Variants in SRPK2 observed in about 807,000 individuals in gnomAD.
The protein encoded by SRPK2 is SFRS protein kinase 2.
SRPK2 carries 21 observed loss-of-function variants against 90.8 expected under a neutral mutation model. That is an observed-to-expected ratio of 0.23 (90% CI 0.16 to 0.33). The LOEUF (loss-of-function observed/expected upper bound fraction) is 0.33. Ranked by LOEUF, SRPK2 falls within the 10% of genes least tolerant of loss-of-function variation. The pLI is 1.00. For synonymous variants in SRPK2, 288 were observed against 311.1 expected, an observed-to-expected ratio of 0.93 and a Z score of 0.78; for missense variants, 620 against 869.0, an observed-to-expected ratio of 0.71 and a Z score of 3.60.
intron 2 of SRPK2, among the ~76,000 whole-genome samples, chr7:105,234,230 G>A (rs1333701499): frequency 1.3e-5 from 2 of 152,162 alleles, no homozygotes; most frequent in Non-Finnish European, 2.9e-5. Flanking sequence ...GTTGCCACTG[G>A]AAAATGCGGT....
Position 105,378,029 on chromosome 7 carries a change from C to G in SRPK2, c.71+10619G>C, listed in dbSNP as rs570008041. ...CTGAGTGTGTACCCCTTAACAGCTC[C>G]CCAGTCCTTCGTTTGACTTCCTCAG... On this transcript the variant is annotated intron_variant, in intron 2 of 15. Transcript: ENST00000393651. Among the ~76,000 whole-genome samples the G allele has an allele frequency of 2.0e-5, 3 of 152,172 alleles. No individual in the cohort carries two copies. The South Asian group carries it at 6.2e-4, about 32-fold the overall frequency.
At position 105,359,934 on chromosome 7, in the gene SRPK2, G is replaced by A. The variant is rs560089452; in HGVS notation, c.71+28714C>T. 5.3e-5 allele frequency among the ~76,000 whole-genome samples: 8 copies of A among 152,260 alleles called. No homozygotes were observed. In the East Asian group the frequency reaches 9.6e-4, roughly 18 times the overall value. ...CTGAGTTCAAGTCCTGGATATCCTC[G>A]TTAACCTTCTGTCTCGTTGATCTGT... On this transcript the variant is annotated intron_variant, in intron 2 of 15. Coordinates refer to ENST00000393651, the MANE Select transcript of SRPK2 (RefSeq NM_182692.3).
At chr7:105,397,102 C>A (rs1355386764) in intron 1 of SRPK2, among the ~76,000 whole-genome samples, 1 of 152,066 alleles carries the variant, frequency 6.6e-6, no homozygotes, top group Non-Finnish European at 1.5e-5. Flanking sequence ...ACTACAACTT[C>A]CGCCTCATGG....
chr7:105,194,472 T>C (rs1036630148), intron 3 of SRPK2, among the ~76,000 whole-genome samples: 2 of 152,212 alleles, frequency 1.3e-5, no homozygotes, highest in African/African-American at 4.8e-5. Context: ...AATTTACACA[T>C]GCACAAACAC....
chr7:105,369,125 TTTATTATTA>T lies in SRPK2; in HGVS notation c.71+19514_71+19522del, dbSNP rs10593124. Among the ~76,000 whole-genome samples the T allele has an allele frequency of 3.9e-3, 555 of 143,314 alleles. 2 individuals are homozygous for T. Among genetic ancestry groups the T allele is most frequent in the South Asian group, 0.015 (65 of 4,478 alleles). 94.0% of individuals were successfully genotyped at this position (143,314 alleles called of 152,430 possible). On this transcript the variant is annotated intron_variant, in intron 2 of 15. Coordinates refer to ENST00000393651, the MANE Select transcript of SRPK2 (RefSeq NM_182692.3). Reference sequence around the variant, plus strand: ...TAATAGAGTTCTACACAAGATTTATTTTATTATTATTATTATTATTATTATTATTATTAT... The same window carrying T: ...TAATAGAGTTCTACACAAGATTTATTTTATTATTATTATTATTATTATTAT...
chr7:105,298,718 C>T, intron 2 of SRPK2: 1 of 985,466 alleles, frequency 1.0e-6, no homozygotes, highest in Non-Finnish European at 1.2e-6. Context: ...ATCCCCATCC[C>T]TCCTCAGCTG....
chr7:105,194,614 C>T (rs1016164383), intron 3 of SRPK2, among the ~76,000 whole-genome samples: 11 of 152,128 alleles, frequency 7.2e-5, no homozygotes, highest in African/African-American at 2.4e-4. Context: ...CCTAAATAAA[C>T]AGACACAATA....
At chr7:105,364,702 G>A (rs147400132) in intron 2 of SRPK2, among the ~76,000 whole-genome samples, 6 of 151,872 alleles carry the variant, frequency 4.0e-5, no homozygotes, top group Non-Finnish European at 7.4e-5. Context: ...GCGCCTGGCC[G>A]AGTCTTAAAG....
At chr7:105,225,506 A>C (rs903090846) in intron 2 of SRPK2, among the ~76,000 whole-genome samples, 6 of 152,278 alleles carry the variant, frequency 3.9e-5, no homozygotes, top group South Asian at 4.1e-4. Flanking sequence ...CCAACAGAGG[A>C]TGGCCACCAT....
chr7:105,272,210 G>C (rs1805921117), intron 2 of SRPK2, among the ~76,000 whole-genome samples: 1 of 152,102 alleles, frequency 6.6e-6, no homozygotes, highest in African/African-American at 2.4e-5. Flanking sequence ...AGACCAGTGA[G>C]TGCAAAAAAA....
chr7:105,284,379 G>A (rs1279336496), intron 2 of SRPK2, among the ~76,000 whole-genome samples: 1 of 152,226 alleles, frequency 6.6e-6, no homozygotes, highest in Non-Finnish European at 1.5e-5. Context: ...TGGCTGGCAT[G>A]ACTTAAGCAG....
intron 2 of SRPK2, among the ~76,000 whole-genome samples, chr7:105,264,905 T>C (rs929012562): frequency 1.3e-5 from 2 of 152,216 alleles, no homozygotes. Context: ...CTAGGCAGAC[T>C]GGGAATCAGC....
chr7:105,318,771 A>G (rs764039772), intron 2 of SRPK2, among the ~76,000 whole-genome samples: 10 of 152,236 alleles, frequency 6.6e-5, no homozygotes, highest in Non-Finnish European at 1.5e-4. Flanking sequence ...ACTCTTGCAC[A>G]CTGCAGAATT....
intron 2 of SRPK2, among the ~76,000 whole-genome samples, chr7:105,228,736 G>T (rs573057905): frequency 2.6e-5 from 4 of 152,306 alleles, no homozygotes; most frequent in African/African-American, 7.2e-5. Flanking sequence ...AGAACTAAGA[G>T]AATACCGTAA....
At chr7:105,227,196 T>C (rs539636004) in intron 2 of SRPK2, among the ~76,000 whole-genome samples, 1 of 152,112 alleles carries the variant, frequency 6.6e-6, no homozygotes, top group Non-Finnish European at 1.5e-5. Context: ...TTTAAAAAAC[T>C]TTTTCCATAA....
chr7:105,285,117 G>A (rs1035131792), intron 2 of SRPK2, among the ~76,000 whole-genome samples: 3 of 152,110 alleles, frequency 2.0e-5, no homozygotes, highest in African/African-American at 7.2e-5. Context: ...CAGGTGCTGT[G>A]GCTCCAGCCT....
chr7:105,375,494 C>G (rs1820178543), intron 2 of SRPK2, among the ~76,000 whole-genome samples: 1 of 152,024 alleles, frequency 6.6e-6, no homozygotes, highest in African/African-American at 2.4e-5. Flanking sequence ...CTAACCTGGG[C>G]AGCAAAGCAA....
At chr7:105,284,024 T>C (rs571984601) in intron 2 of SRPK2, among the ~76,000 whole-genome samples, 3 of 152,084 alleles carry the variant, frequency 2.0e-5, no homozygotes, top group Non-Finnish European at 4.4e-5. Flanking sequence ...CAAAAAATGA[T>C]TACAATGCTG....
At chr7:105,228,938 G>A (rs1799075921) in intron 2 of SRPK2, among the ~76,000 whole-genome samples, 1 of 152,212 alleles carries the variant, frequency 6.6e-6, no homozygotes, top group Non-Finnish European at 1.5e-5. Context: ...AAGAGGCCGA[G>A]AAAAGCCCTG....
Sources: allele counts gnomAD v4.1 joint callset (sites outside exome capture counted in the v4.1 genomes callset), GRCh38; gene constraint gnomAD v4.1.1; transcripts MANE v1.5; gene names NCBI Gene and HGNC (gene_info 2026-07-23, HGNC 2026-07-21).